Variants in GRM8 observed in about 807,000 individuals in gnomAD.
GRM8 encodes glutamate metabotropic receptor 8.
In GRM8, 47 loss-of-function variants were observed where a neutral mutation model predicts 87.2. That is an observed-to-expected ratio of 0.54 (90% CI 0.43 to 0.69). The LOEUF (loss-of-function observed/expected upper bound fraction) is 0.69. Among genes scored for constraint, GRM8 ranks in the 30% least tolerant of loss-of-function variants. GRM8 has a pLI of 0.00. For synonymous variants in GRM8, 396 were observed against 404.5 expected, an observed-to-expected ratio of 0.98 and a Z score of 0.25; for missense variants, 1,019 against 1,139.2, an observed-to-expected ratio of 0.89 and a Z score of 1.52.
chr7:126,854,438 C>T (rs1474021787), intron 6 of GRM8, among the ~76,000 whole-genome samples: 1 of 152,130 alleles, frequency 6.6e-6, no homozygotes, highest in African/African-American at 2.4e-5. Flanking sequence ...GCATCAGAAT[C>T]ACCTGGAAGG....
intron 9 of GRM8, among the ~76,000 whole-genome samples, chr7:126,454,348 G>A (rs775149084): frequency 3.3e-5 from 5 of 151,708 alleles, no homozygotes; most frequent in Non-Finnish European, 5.9e-5. Flanking sequence ...AGGAAAGTTG[G>A]TAAAATTATG....
At chr7:126,440,336 G>T (rs761426734) in intron 10 of GRM8, among the ~76,000 whole-genome samples, 1 of 143,438 alleles carries the variant, frequency 7.0e-6, no homozygotes, top group Non-Finnish European at 1.5e-5. Context: ...TGCTTGAACC[G>T]AGAGGCAGAG....
chr7:127,019,029 T>C (rs1815989136), intron 3 of GRM8, among the ~76,000 whole-genome samples: 1 of 151,976 alleles, frequency 6.6e-6, no homozygotes, highest in African/African-American at 2.4e-5. Context: ...AGGGTTGTAG[T>C]GGGATGGGAG....
chr7:127,160,884 C>T lies in GRM8; in HGVS notation c.511-54172G>A, dbSNP rs562981222. ...CCCACCTCGACTGAGCTCTCTGGCTCCCAGCCTATTCCCAGGAAACAGAAA... is the reference window on the plus strand; with the variant it reads ...CCCACCTCGACTGAGCTCTCTGGCTTCCAGCCTATTCCCAGGAAACAGAAA... On this transcript the variant is annotated intron_variant, in intron 2 of 10. Coordinates refer to ENST00000339582, the MANE Select transcript of GRM8 (RefSeq NM_000845.3). 3.0e-3 allele frequency among the ~76,000 whole-genome samples: 455 copies of T among 151,150 alleles called. 2 individuals carry two copies. Among genetic ancestry groups the T allele is most frequent in the African/African-American group, 0.011 (440 of 41,128 alleles).
At chr7:126,894,565 A>T (rs933316849) in intron 6 of GRM8, among the ~76,000 whole-genome samples, 2 of 152,012 alleles carry the variant, frequency 1.3e-5, no homozygotes, top group African/African-American at 2.4e-5. Context: ...TTTAACTAGA[A>T]TTGCTTCCCT....
At chr7:126,494,668 A>G (rs886394464) in intron 9 of GRM8, among the ~76,000 whole-genome samples, 21 of 152,058 alleles carry the variant, frequency 1.4e-4, no homozygotes, top group African/African-American at 5.1e-4. Flanking sequence ...ACACACACAC[A>G]CAAAGACAGA....
intron 7 of GRM8, among the ~76,000 whole-genome samples, chr7:126,742,197 C>T (rs1190522857): frequency 4.0e-5 from 6 of 151,870 alleles, no homozygotes; most frequent in African/African-American, 1.5e-4. Context: ...GTTCCAGGGT[C>T]AACTGTATTA....
At chr7:126,465,967 A>C (rs1804450318) in intron 9 of GRM8, among the ~76,000 whole-genome samples, 1 of 151,954 alleles carries the variant, frequency 6.6e-6, no homozygotes, top group Non-Finnish European at 1.5e-5. Context: ...ACTTATTACC[A>C]GATTAGATAA....
At chr7:126,611,680 C>A (rs1429635738) in intron 7 of GRM8, among the ~76,000 whole-genome samples, 2 of 152,172 alleles carry the variant, frequency 1.3e-5, no homozygotes, top group Non-Finnish European at 2.9e-5. Context: ...GACTCAATGA[C>A]TCCTTATCTT....
intron 3 of GRM8, among the ~76,000 whole-genome samples, chr7:127,083,753 C>G (rs1823132116): frequency 6.6e-6 from 1 of 152,072 alleles, no homozygotes; most frequent in South Asian, 2.1e-4. Context: ...AATGCTGCTC[C>G]CTTTTCCCCC....
chr7:126,554,782 T>G (rs2150940350), intron 8 of GRM8, among the ~76,000 whole-genome samples: 1 of 152,368 alleles, frequency 6.6e-6, no homozygotes, highest in East Asian at 1.9e-4. Context: ...GTTTCCAGTC[T>G]TTCTTTTTAT....
intron 7 of GRM8, among the ~76,000 whole-genome samples, chr7:126,690,402 T>C (rs1180259398): frequency 6.6e-6 from 1 of 152,152 alleles, no homozygotes; most frequent in East Asian, 1.9e-4. Flanking sequence ...GCCACCTCCC[T>C]GCAAGGCTGT....
At chr7:127,124,032 T>C (rs1211672830) in intron 2 of GRM8, among the ~76,000 whole-genome samples, 1 of 152,172 alleles carries the variant, frequency 6.6e-6, no homozygotes, top group African/African-American at 2.4e-5. Context: ...ATTAACCACA[T>C]ACTTTCAACT....
chr7:126,903,792 T>TATATAC (rs1554526169), intron 5 of GRM8, among the ~76,000 whole-genome samples, 180 bp downstream of exon 5: 1 of 147,154 alleles, frequency 6.8e-6, no homozygotes, highest in African/African-American at 2.5e-5. Flanking sequence ...TATATATATA[T>TATATAC]ATATATATAT....
intron 9 of GRM8, among the ~76,000 whole-genome samples, chr7:126,516,431 T>G (rs1294911781): frequency 6.6e-6 from 1 of 152,110 alleles, no homozygotes; most frequent in Admixed American, 6.6e-5. Context: ...CAAATACAAC[T>G]GCAGTTGATG....
chr7:127,098,639 A>G, intron 3 of GRM8, among the ~76,000 whole-genome samples: 1 of 152,196 alleles, frequency 6.6e-6, no homozygotes, highest in East Asian at 1.9e-4. Context: ...AAATGAATTA[A>G]TTAAATTGGT....
At position 126,631,031 on chromosome 7, in the gene GRM8, G is replaced by C. The variant is rs191765508; in HGVS notation, c.1358-21533C>G. ...AACACAGTATTAGAAGTTCTAGCCA[G>C]GGCAATCAGGCAAAATAAAAAAATA... is the stretch of plus-strand genomic sequence containing the variant. On this transcript the variant is annotated intron_variant, in intron 7 of 10. Coordinates refer to ENST00000339582, the MANE Select transcript of GRM8 (RefSeq NM_000845.3). 4.8e-4 allele frequency among the ~76,000 whole-genome samples: 73 copies of C among 152,194 alleles called. No homozygotes were observed. The East Asian group carries it at 0.013, about 26-fold the overall frequency.
chr7:126,486,855 C>T (rs1329619827), intron 9 of GRM8, among the ~76,000 whole-genome samples: 2 of 152,134 alleles, frequency 1.3e-5, no homozygotes, highest in East Asian at 3.9e-4. Flanking sequence ...ACAAAGATTA[C>T]TAATGTGTCC....
At chr7:126,724,740 A>G (rs1812774321) in intron 7 of GRM8, among the ~76,000 whole-genome samples, 1 of 151,342 alleles carries the variant, frequency 6.6e-6, no homozygotes, top group Non-Finnish European at 1.5e-5. Flanking sequence ...ACATGTACAT[A>G]TGTATAATAA....
Sources: allele counts gnomAD v4.1 joint callset (sites outside exome capture counted in the v4.1 genomes callset), GRCh38; gene constraint gnomAD v4.1.1; transcripts MANE v1.5; gene names NCBI Gene and HGNC (gene_info 2026-07-23, HGNC 2026-07-21).